KCNQ3: variants seen among roughly 807,000 people sequenced by gnomAD.
KCNQ3 encodes the protein potassium voltage-gated channel subfamily Q member 3.
Under a neutral mutation model 92.5 loss-of-function variants are expected in KCNQ3, and 30 were observed. The observed-to-expected ratio is 0.32, with a 90% CI of 0.24 to 0.44. The LOEUF is 0.44. Ranked by LOEUF, KCNQ3 falls within the 20% of genes least tolerant of loss-of-function variation. The pLI, the probability that KCNQ3 is intolerant of heterozygous loss-of-function variation, is 1.00. For missense variants in KCNQ3, 913 were observed against 1,140.3 expected (o/e 0.80, Z 2.87); for synonymous variants, 450 against 468.8 (o/e 0.96, Z 0.52).
chr8:132,419,903 A>C (rs1296336522), intron 1 of KCNQ3, among the ~76,000 whole-genome samples: 1 of 152,224 alleles, frequency 6.6e-6, no homozygotes, highest in Non-Finnish European at 1.5e-5. Context: ...CTCTTAAAGG[A>C]TAAAACGAAC....
chr8:132,259,247 G>A (rs933578562), intron 1 of KCNQ3, among the ~76,000 whole-genome samples: 3 of 151,910 alleles, frequency 2.0e-5, no homozygotes, highest in Non-Finnish European at 2.9e-5. Context: ...GATACAAAAT[G>A]CCTTAACAAA....
chr8:132,190,912 C>T (rs148941392), intron 1 of KCNQ3, among the ~76,000 whole-genome samples: 2,115 of 152,312 alleles, frequency 0.014, 18 homozygotes, highest in Non-Finnish European at 0.022. Context: ...TTAGACTCTG[C>T]TCATGGAGGG....
chr8:132,450,526 C>G (rs968106126), intron 1 of KCNQ3, among the ~76,000 whole-genome samples: 2 of 152,178 alleles, frequency 1.3e-5, no homozygotes, highest in Admixed American at 1.3e-4. Flanking sequence ...ACACCTTCCC[C>G]CTCCCCCAGG....
rs1816982829 is a variant in KCNQ3 at position 132,295,277 on chromosome 8, G to GA, written c.387-109097dup. Among the ~76,000 whole-genome samples the GA allele has an allele frequency of 3.3e-5, 5 of 151,304 alleles. No homozygotes were observed. In the South Asian group the frequency reaches 1.0e-3, roughly 32 times the overall value. ...AGACATTTATGTGGCCAAGAAACAT[G>GA]AAAAAATGCTCAACATCACTGATAA... On this transcript the variant is annotated intron_variant, in intron 1 of 14. Transcript: ENST00000388996.
intron 1 of KCNQ3, among the ~76,000 whole-genome samples, chr8:132,376,202 TTATTA>T (rs1376820691): frequency 1.3e-5 from 2 of 152,314 alleles, no homozygotes; most frequent in East Asian, 3.9e-4. Flanking sequence ...TCTCCCCACA[TTATTA>T]TATTTCTAAA....
chr8:132,170,353 C>A lies in KCNQ3; in HGVS notation c.1216G>T (p.Val406Phe), dbSNP rs144474368. The change falls in exon 8 of 15, where the codon GTC (valine) becomes TTC (phenylalanine). Residue 406 changes from valine to phenylalanine, a missense_variant. Val to Phe is a conservative substitution (Grantham distance 50). This residue lies in a region of KCNQ3 where 182 missense variants were observed against 234.5 expected (regional missense o/e 0.78). Coordinates refer to ENST00000388996, the MANE Select transcript of KCNQ3 (RefSeq NM_004519.4). The stretch of plus-strand genomic sequence containing the variant: ...ACTTGCCTGAAGAAAGGAAAAGAGA[C>A]GACTGATTCATAAAATCTCCATGTC... ...VATWRFYESV[V>F]SFPFFRKEQL... The A allele has an allele frequency of 1.2e-6, 2 of 1,613,612 alleles. No individual in the cohort carries two copies. Among genetic ancestry groups the A allele is most frequent in the East Asian group, 2.2e-5 (1 of 44,850 alleles).
rs16904653 is a variant in KCNQ3, at chr8:132,314,801, G to C, written c.387-128620C>G. Among the ~76,000 whole-genome samples the C allele has an allele frequency of 9.7e-3, 1,476 of 152,296 alleles. 29 individuals carry two copies. Among genetic ancestry groups the C allele is most frequent in the African/African-American group, 0.034 (1,397 of 41,564 alleles). ...CCAAAAAACACTAAGAGTCCTAATA[G>C]AGGTTATGATGTTTGAGAGAAGTCT... On this transcript the variant is annotated intron_variant, in intron 1 of 14. Transcript: ENST00000388996.
intron 1 of KCNQ3, among the ~76,000 whole-genome samples, chr8:132,454,294 C>G (rs1341914267): frequency 6.6e-6 from 1 of 152,170 alleles, no homozygotes; most frequent in Non-Finnish European, 1.5e-5. Flanking sequence ...CTGGGCAAGT[C>G]ACCCAGCCTC....
intron 1 of KCNQ3, among the ~76,000 whole-genome samples, chr8:132,339,901 C>T (rs4319073): frequency 0.15 from 23,339 of 151,110 alleles, 2,241 homozygotes; most frequent in East Asian, 0.41. Context: ...GGACATCCAG[C>T]AACACAAAGG....
chr8:132,344,380 G>A (rs558785360), intron 1 of KCNQ3, among the ~76,000 whole-genome samples: 3 of 152,210 alleles, frequency 2.0e-5, no homozygotes, highest in South Asian at 2.1e-4. Flanking sequence ...GGTGCCATTT[G>A]AGGAAACTGC....
chr8:132,337,189 T>C (rs1818387538), intron 1 of KCNQ3, among the ~76,000 whole-genome samples: 1 of 152,132 alleles, frequency 6.6e-6, no homozygotes, highest in Admixed American at 6.5e-5. Flanking sequence ...GTTTCTCAAG[T>C]CAAGAACTGT....
At chr8:132,462,974 C>G (rs1352233664) in intron 1 of KCNQ3, among the ~76,000 whole-genome samples, 1 of 152,122 alleles carries the variant, frequency 6.6e-6, no homozygotes, top group African/African-American at 2.4e-5. Context: ...ACAGTATATG[C>G]CTCATTCAAG....
intron 1 of KCNQ3, among the ~76,000 whole-genome samples, chr8:132,283,719 G>A (rs186901381): frequency 9.8e-5 from 15 of 152,312 alleles, no homozygotes; most frequent in South Asian, 4.1e-4. Context: ...CTAAAAATAC[G>A]GAGAAGTATA....
chr8:132,363,056 G>A (rs1253754839), intron 1 of KCNQ3, among the ~76,000 whole-genome samples: 1 of 152,096 alleles, frequency 6.6e-6, no homozygotes, highest in African/African-American at 2.4e-5. Context: ...AATGGGTACT[G>A]CCAACAAGAC....
intron 9 of KCNQ3, among the ~76,000 whole-genome samples, chr8:132,149,638 A>T (rs1825572087): frequency 1.3e-5 from 2 of 152,148 alleles, no homozygotes; most frequent in Admixed American, 1.3e-4. Flanking sequence ...CTTTCCTTTT[A>T]CAATACAATA....
At chr8:132,249,033 G>A (rs1815293508) in intron 1 of KCNQ3, among the ~76,000 whole-genome samples, 1 of 152,150 alleles carries the variant, frequency 6.6e-6, no homozygotes, top group Non-Finnish European at 1.5e-5. Flanking sequence ...GATGTGTTCG[G>A]AGTTTCTTCC....
chr8:132,470,972 G>A (rs1426011823), intron 1 of KCNQ3, among the ~76,000 whole-genome samples: 7 of 152,102 alleles, frequency 4.6e-5, no homozygotes, highest in East Asian at 1.9e-4. Context: ...ACTGAATTAC[G>A]TCAGAAGGAT....
chr8:132,317,402 A>T (rs914683886), intron 1 of KCNQ3, among the ~76,000 whole-genome samples: 1 of 152,224 alleles, frequency 6.6e-6, no homozygotes, highest in Non-Finnish European at 1.5e-5. Context: ...AGTTTTGCAA[A>T]TTCACTTTTA....
chr8:132,300,720 A>G (rs1360601377), intron 1 of KCNQ3, among the ~76,000 whole-genome samples: 1 of 152,182 alleles, frequency 6.6e-6, no homozygotes. Context: ...TTTTAACCCA[A>G]TAAAAGATGT....
Sources: allele counts gnomAD v4.1 joint callset (sites outside exome capture counted in the v4.1 genomes callset), GRCh38; gene constraint gnomAD v4.1.1; regional missense constraint gnomAD v4.1.1; transcripts MANE v1.5; gene names NCBI Gene and HGNC (gene_info 2026-07-23, HGNC 2026-07-21).